SI: variants seen among roughly 807,000 people sequenced by gnomAD.
The protein encoded by SI is sucrase-isomaltase, intestinal.
A neutral mutation model predicts 253.3 loss-of-function variants in SI; 235 were observed. That is an observed-to-expected ratio of 0.93 (90% CI 0.83 to 1.03). The LOEUF is 1.03. Among genes scored for constraint, SI ranks in the 50% least tolerant of loss-of-function variants. The pLI is 0.00. For missense variants in SI, 2,442 were observed against 2,211.1 expected, an observed-to-expected ratio of 1.10 and a Z score of -2.09; for synonymous variants, 819 against 712.0, an observed-to-expected ratio of 1.15 and a Z score of -2.39.
At chr3:164,981,654 A>G (rs900059865) in intron 47 of SI, among the ~76,000 whole-genome samples, 1 of 152,154 alleles carries the variant, frequency 6.6e-6, no homozygotes, top group Non-Finnish European at 1.5e-5. Flanking sequence ...CAAGCCATAG[A>G]TTCACAGAAT....
intron 19 of SI, 106 bp downstream of exon 19, chr3:165,039,781 G>A: frequency 1.2e-6 from 1 of 834,186 alleles, no homozygotes; most frequent in Non-Finnish European, 2.1e-6. Context: ...TTATCAGCTT[G>A]AAACAGTCCA....
In SI at chr3:165,045,848, ATTT is replaced by A. The variant is rs74590097; in HGVS notation, c.1887+990_1887+992del. 2.2e-3 allele frequency among the ~76,000 whole-genome samples: 265 copies of A among 120,700 alleles called. 1 individual carries two copies. The highest frequency in any genetic ancestry group is 5.3e-3 in the Admixed American group (61 of 11,512). The allele number at this position is 120,700 out of a possible 152,430, so 79.2% of individuals were successfully genotyped here. A position where few individuals can be genotyped will look rare whatever the true frequency, so the allele number is the denominator to read the frequency against. Reference sequence around the variant, plus strand: ...AATGAATTTGATAATATGTTTTTCAATTTTTTTTTTTTTTTTTTTTGAGATAGG... The same window carrying A: ...AATGAATTTGATAATATGTTTTTCAATTTTTTTTTTTTTTTTTGAGATAGG... On this transcript the variant is annotated intron_variant, in intron 16 of 47. Coordinates refer to ENST00000264382, the MANE Select transcript of SI (RefSeq NM_001041.4).
At chr3:165,021,499 A>G in intron 26 of SI, 116 bp from the exon 27 acceptor site, 3 of 829,434 alleles carry the variant, frequency 3.6e-6, no homozygotes, top group Non-Finnish European at 6.0e-6. Context: ...TCTCCACATA[A>G]TTTCTAATTC....
Position 165,074,634 on chromosome 3 carries a change from G to C in SI, c.152C>G (p.Thr51Ser), listed in dbSNP as rs779867518. ...ATCAGAAGGATTTGTAGTCACACGA[G>C]TAGTAGCTGGAGTTGAAGTAGAATC... ...ISDSTSTPAT[T>S]RVTTNPSDSG... The change falls in exon 3 of 48, where the codon ACT becomes AGT. Residue 51 changes from threonine (T) to serine (S), a missense_variant. Coordinates refer to ENST00000264382, the MANE Select transcript of SI (RefSeq NM_001041.4). The C allele has an allele frequency of 6.2e-7, 1 of 1,610,412 alleles. No homozygotes were observed. The highest frequency in any genetic ancestry group is 2.2e-5 in the East Asian group (1 of 44,634).
At chr3:164,980,078 C>T (rs1717108163) in intron 47 of SI, among the ~76,000 whole-genome samples, 1 of 151,692 alleles carries the variant, frequency 6.6e-6, no homozygotes, top group Admixed American at 6.6e-5. Flanking sequence ...ATAAGATTTT[C>T]TGTGCTTTAG....
intron 6 of SI, among the ~76,000 whole-genome samples, chr3:165,066,898 C>A (rs1324982738): frequency 6.6e-6 from 1 of 151,940 alleles, no homozygotes; most frequent in Non-Finnish European, 1.5e-5. Flanking sequence ...ACCCCTCATA[C>A]AATCATAATG....
intron 13 of SI, among the ~76,000 whole-genome samples, chr3:165,052,809 G>A (rs1285193483): frequency 1.3e-5 from 2 of 151,954 alleles, no homozygotes; most frequent in Non-Finnish European, 2.9e-5. Context: ...AAAAGAATTT[G>A]TAAAAGAATT....
At chr3:164,994,185 T>A in intron 41 of SI, 72 bp downstream of exon 41, 1 of 1,362,258 alleles carries the variant, frequency 7.3e-7, no homozygotes, top group Non-Finnish European at 1.0e-6. Context: ...TATATTGCAC[T>A]ATAAGAGATC....
intron 44 of SI, 132 bp downstream of exon 44, chr3:164,991,221 A>G (rs1216462229): frequency 1.1e-6 from 1 of 949,390 alleles, no homozygotes; most frequent in Non-Finnish European, 1.7e-6. Flanking sequence ...CTGACCTGGC[A>G]TTCATGTTAC....
rs1714488567 is a variant in SI, at chr3:165,070,306, TA to T, written c.256-1112del. On this transcript the variant is annotated intron_variant, in intron 3 of 47. Coordinates refer to ENST00000264382, the MANE Select transcript of SI (RefSeq NM_001041.4). The stretch of plus-strand genomic sequence containing the variant: ...ATATACATATATAATTATATATGTA[TA>T]TATACATATATTATATATATAAAAT... Among the ~76,000 whole-genome samples, 3 of 145,296 alleles carry T rather than the reference TA, an allele frequency of 2.1e-5. No individual in the cohort carries two copies. The Admixed American group carries it at 2.1e-4, about 10-fold the overall frequency.
At position 164,994,238 on chromosome 3, in the gene SI, A is replaced by C; in HGVS notation, c.4841+19T>G. On this transcript the variant is annotated intron_variant, in intron 41 of 47. Coordinates refer to ENST00000264382, the MANE Select transcript of SI (RefSeq NM_001041.4). Reference sequence around the variant, plus strand: ...AAAAGTATCTCTCTGTGATAAGAGAAAACAAACTTTGTACTTACTCATGCA... The same window carrying C: ...AAAAGTATCTCTCTGTGATAAGAGACAACAAACTTTGTACTTACTCATGCA... The C allele has an allele frequency of 6.2e-7, 1 of 1,607,232 alleles. No individual in the cohort carries two copies. The highest frequency in any genetic ancestry group is 1.1e-5 in the South Asian group (1 of 90,920).
At chr3:165,045,151 C>G (rs944035665) in intron 16 of SI, among the ~76,000 whole-genome samples, 7 of 151,996 alleles carry the variant, frequency 4.6e-5, no homozygotes, top group Admixed American at 1.3e-4. Context: ...TTCTTTTTCT[C>G]TACTTCTTTA....
intron 47 of SI, among the ~76,000 whole-genome samples, chr3:164,980,653 A>T (rs1281825206): frequency 1.3e-5 from 2 of 151,982 alleles, no homozygotes; most frequent in Non-Finnish European, 2.9e-5. Flanking sequence ...AGGTAATGAA[A>T]CACTGTCAAA....
chr3:165,020,811 C>G (rs1300617125), intron 27 of SI, among the ~76,000 whole-genome samples: 1 of 151,626 alleles, frequency 6.6e-6, no homozygotes, highest in African/African-American at 2.4e-5. Context: ...CTTATTTTCA[C>G]TAATACCTGG....
chr3:165,072,590 G>C, intron 3 of SI, among the ~76,000 whole-genome samples: 1 of 151,812 alleles, frequency 6.6e-6, no homozygotes, highest in African/African-American at 2.4e-5. Context: ...TCCTATAATA[G>C]AAAAATGCTA....
chr3:164,988,419 A>G (rs150778315), intron 44 of SI, among the ~76,000 whole-genome samples: 385 of 152,300 alleles, frequency 2.5e-3, no homozygotes, highest in African/African-American at 8.6e-3. Context: ...AAAACTTGTG[A>G]TTAGAAAGAG....
chr3:165,052,010 AATTT>A (rs1285891413), intron 13 of SI, among the ~76,000 whole-genome samples: 2 of 152,018 alleles, frequency 1.3e-5, no homozygotes, highest in Non-Finnish European at 2.9e-5. Context: ...ACTGAGGCAA[AATTT>A]TTTTTCATAA....
intron 1 of SI, among the ~76,000 whole-genome samples, chr3:165,076,937 G>T (rs1715021381): frequency 6.8e-6 from 1 of 146,974 alleles, no homozygotes; most frequent in Admixed American, 6.8e-5. Context: ...AATTACTACA[G>T]TAAGTGCTTT....
At chr3:165,085,680 A>G in the SI span, among the ~76,000 whole-genome samples, 1 of 152,188 alleles carries the variant, frequency 6.6e-6, no homozygotes, top group Non-Finnish European at 1.5e-5. Context: ...CCTCATAAAC[A>G]ATGTGTGCAC....
Sources: gnomAD v4.1 joint callset for allele counts (sites outside exome capture counted in the v4.1 genomes callset) on GRCh38, gnomAD v4.1.1 for gene constraint, MANE v1.5 for transcripts, NCBI Gene and HGNC (gene_info 2026-07-23, HGNC 2026-07-21) for gene names.